Variants in LDB1 observed in about 807,000 individuals in gnomAD.
The protein encoded by LDB1 is LIM domain-binding protein 1.
In LDB1, 6 loss-of-function variants were observed where a neutral mutation model predicts 49.7. That is an observed-to-expected ratio of 0.12 (90% CI 0.07 to 0.24). The LOEUF (loss-of-function observed/expected upper bound fraction) is 0.24. Ranked by LOEUF, LDB1 falls within the 10% of genes least tolerant of loss-of-function variation. The probability of loss-of-function intolerance (pLI) is 1.00; values close to 1 mark genes in which losing one functional copy is unlikely to be tolerated. For missense variants in LDB1, 341 were observed against 561.7 expected (o/e 0.61, Z 3.97); for synonymous variants, 233 against 202.0 (o/e 1.15, Z -1.30).
chr10:102,115,195 G>A (rs560680269), intron 1 of LDB1, among the ~76,000 whole-genome samples: 39 of 152,172 alleles, frequency 2.6e-4, no homozygotes, highest in Non-Finnish European at 5.4e-4. Context: ...TGGAGGAGAG[G>A]CCTGTGGGGG....
Position 102,110,041 on chromosome 10 carries a change from C to A in LDB1, c.528G>T (p.Val176=), listed in dbSNP as rs752933203. The A allele has an allele frequency of 1.9e-6, 3 of 1,612,450 alleles. No homozygotes were observed. The highest frequency in any genetic ancestry group is 2.5e-6 in the Non-Finnish European group (3 of 1,179,000). Residue 176 remains valine (V), a splice_region_variant and synonymous_variant, in exon 7 of 11, where the codon GTG becomes GTT. Coordinates refer to ENST00000673968, the MANE Select transcript of LDB1 (RefSeq NM_001113407.3). ...CCAGGTACAACCGGCCCTCCACACA[C>A]ACCTGGGGACAGGCTTGTCAGAACC... is the stretch of plus-strand genomic sequence containing the variant. ...TQHGKPMFTQ[V]CVEGRLYLEF...
Position 102,108,329 on chromosome 10 carries a change from A to G in LDB1, c.1006-6T>C. ...TCCCCCACCACCATCACATCCTGAG[A>G]GTGGCGGAGGTCCCCAAACATAATC... On this transcript the variant is annotated splice_region_variant and splice_polypyrimidine_tract_variant and intron_variant, in intron 10 of 10. Coordinates refer to ENST00000673968, the MANE Select transcript of LDB1 (RefSeq NM_001113407.3). 1 of 1,609,854 alleles carries G rather than the reference A, an allele frequency of 6.2e-7. No individual in the cohort carries two copies. The highest frequency in any genetic ancestry group is 2.2e-5 in the East Asian group (1 of 44,850).
downstream of LDB1, among the ~76,000 whole-genome samples, chr10:102,105,522 C>T (rs2068150405): frequency 6.6e-6 from 1 of 151,986 alleles, no homozygotes; most frequent in South Asian, 2.1e-4. Flanking sequence ...CAAAGAGGGA[C>T]ACTGGATAGG....
At chr10:102,116,490 T>G (rs2068337952) in intron 1 of LDB1, among the ~76,000 whole-genome samples, 1 of 152,130 alleles carries the variant, frequency 6.6e-6, no homozygotes, top group South Asian at 2.1e-4. Context: ...CATCAACCTG[T>G]GATATATCTC....
intron 1 of LDB1, among the ~76,000 whole-genome samples, chr10:102,113,818 G>A (rs2068291828): frequency 6.6e-6 from 1 of 151,610 alleles, no homozygotes; most frequent in Non-Finnish European, 1.5e-5. Context: ...GAATGAACAG[G>A]CATTGTCTAG....
chr10:102,120,636 G>T (rs966655345), upstream of LDB1, among the ~76,000 whole-genome samples: 9 of 152,182 alleles, frequency 5.9e-5, no homozygotes, highest in African/African-American at 2.2e-4. Flanking sequence ...GGGGCTGGGA[G>T]CGCTCGGGGA....
At chr10:102,119,547 C>T (rs993530091) in intron 1 of LDB1, among the ~76,000 whole-genome samples, 13 of 151,924 alleles carry the variant, frequency 8.6e-5, no homozygotes, top group Admixed American at 8.5e-4. Context: ...CCTCCGGTGC[C>T]TCAGGAGGGC....
chr10:102,106,428 T>C (rs1183329357), downstream of LDB1, among the ~76,000 whole-genome samples: 1 of 150,692 alleles, frequency 6.6e-6, no homozygotes, highest in Non-Finnish European at 1.5e-5. Flanking sequence ...ACTGCAAGGA[T>C]GGGGAAAAGA....
chr10:102,120,475 G>A, upstream of LDB1: 2 of 833,578 alleles, frequency 2.4e-6, no homozygotes, highest in Non-Finnish European at 2.9e-6. Flanking sequence ...CCTCGCGCCG[G>A]CGCCGGCTCC....
In LDB1 at chr10:102,120,069, C is replaced by A. The variant is rs1486440440; in HGVS notation, c.25+17G>T. On this transcript the variant is annotated intron_variant, in intron 1 of 10. Transcript: ENST00000673968. ...GGCTGGGCAGGAAGGGGCCGAGTGG[C>A]CGCACGCCCCACTCACCAGGACAGG... 7.0e-7 allele frequency: 1 copy of A among 1,436,180 alleles called. No individual in the cohort carries two copies. The highest frequency in any genetic ancestry group is 1.4e-5 in the South Asian group (1 of 73,480). The allele number at this position is 1,436,180 out of a possible 1,614,324, so 89.0% of individuals were successfully genotyped here.
At chr10:102,106,296 C>G (rs150518484), downstream of LDB1, among the ~76,000 whole-genome samples, 717 of 151,872 alleles carry the variant, frequency 4.7e-3, 10 homozygotes, top group African/African-American at 0.017. Context: ...TGGGGCCAAG[C>G]TGGGACATCT....
intron 1 of LDB1, among the ~76,000 whole-genome samples, chr10:102,112,001 C>T (rs1200690595): frequency 6.6e-6 from 1 of 152,104 alleles, no homozygotes; most frequent in African/African-American, 2.4e-5. Context: ...GAGCACCTGT[C>T]TCTCCTTCTA....
chr10:102,108,999 C>T (rs1293797969), intron 10 of LDB1, 30 bp downstream of exon 10: 10 of 1,614,178 alleles, frequency 6.2e-6, no homozygotes, highest in Non-Finnish European at 7.6e-6. Flanking sequence ...TGGGGCAGCC[C>T]AGAAGAGAGA....
At position 102,108,189 on chromosome 10, in the gene LDB1, G is replaced by T. The variant is rs563847702; in HGVS notation, c.1140C>A (p.Asn380Lys). 1 of 1,614,106 alleles carries T rather than the reference G, an allele frequency of 6.2e-7. No homozygotes were observed. Among genetic ancestry groups the T allele is most frequent in the Non-Finnish European group, 8.5e-7 (1 of 1,180,002 alleles). The part of the protein sequence containing the change: ...NGIDDEDSFN[N>K]SPALGANSPW... ...GGCTGTTGGCGCCCAGTGCAGGGGAGTTGTTAAAGCTGTCCTCGTCGTCAA... is the reference window on the plus strand; with the variant it reads ...GGCTGTTGGCGCCCAGTGCAGGGGATTTGTTAAAGCTGTCCTCGTCGTCAA... Residue 380 changes from asparagine to lysine, a missense_variant, in exon 11 of 11, where the codon AAC becomes AAA. By Grantham distance (94) the Asn-to-Lys change is moderately conservative. Coordinates refer to ENST00000673968, the MANE Select transcript of LDB1 (RefSeq NM_001113407.3).
At chr10:102,120,791 C>G (rs936291861), upstream of LDB1, among the ~76,000 whole-genome samples, 1 of 152,098 alleles carries the variant, frequency 6.6e-6, no homozygotes, top group South Asian at 2.1e-4. Context: ...CTGGCTGAGC[C>G]GGAGCGGGAG....
chr10:102,109,339 G>A lies in LDB1; in HGVS notation c.856+45C>T, dbSNP rs2133503335. ...AAAAGGAAATAAAGATACAGCTTTGGGGAGCGGTGTGAGATCCTGGTAAGA... is the reference window on the plus strand; with the variant it reads ...AAAAGGAAATAAAGATACAGCTTTGAGGAGCGGTGTGAGATCCTGGTAAGA... On this transcript the variant is annotated intron_variant, in intron 9 of 10. Transcript: ENST00000673968. This position sits in a 1 kb window ranked among gnomAD's most constrained non-coding sequence, Gnocchi z 5.8. 6.2e-7 allele frequency: 1 copy of A among 1,612,446 alleles called. No individual in the cohort carries two copies. Among genetic ancestry groups the A allele is most frequent in the East Asian group, 2.2e-5 (1 of 44,868 alleles).
chr10:102,115,029 A>C (rs1440037337), intron 1 of LDB1: 1 of 180,694 alleles, frequency 5.5e-6, no homozygotes. Context: ...CGGAGGGTGG[A>C]GCTGCCCCCA....
intron 1 of LDB1, chr10:102,114,373 C>A (rs547117566): frequency 8.7e-5 from 86 of 986,284 alleles, no homozygotes; most frequent in South Asian, 1.4e-4. Context: ...CTTCCGCCCA[C>A]CCCCAACAGG....
chr10:102,106,617 C>T lies in LDB1; in HGVS notation c.*1476G>A, dbSNP rs2068163796. 1.4e-5 allele frequency among the ~76,000 whole-genome samples: 2 copies of T among 143,888 alleles called. No individual in the cohort carries two copies. Among genetic ancestry groups the T allele is most frequent in the South Asian group, 4.7e-4 (2 of 4,274 alleles). The allele number at this position is 143,888 out of a possible 152,430, so 94.4% of individuals were successfully genotyped here. A position where few individuals can be genotyped will look rare whatever the true frequency, so the allele number is the denominator to read the frequency against. ...CAGTTGGGATGGGATGTCCACCTTC[C>T]TCACCCCTTCCCTCAGCTCCTGACT... On this transcript the variant is annotated 3_prime_UTR_variant, in exon 11 of 11. Transcript: ENST00000673968.
Sources: allele counts gnomAD v4.1 joint callset (sites outside exome capture counted in the v4.1 genomes callset), GRCh38; gene constraint gnomAD v4.1.1; non-coding constraint Gnocchi (gnomAD v3.1); transcripts MANE v1.5; gene names NCBI Gene and HGNC (gene_info 2026-07-23, HGNC 2026-07-21).